CDH13: variants seen among roughly 807,000 people sequenced by gnomAD.
CDH13 encodes the protein cadherin-13.
A neutral mutation model predicts 63.8 loss-of-function variants in CDH13; 24 were observed. The observed-to-expected ratio is 0.38, with a 90% confidence interval of 0.27 to 0.53. The LOEUF is 0.53. Ranked by LOEUF, CDH13 falls within the 20% of genes least tolerant of loss-of-function variation. CDH13 has a pLI of 0.85. For synonymous variants in CDH13, 503 were observed against 355.3 expected (o/e 1.42, Z -4.67); for missense variants, 1,049 against 903.1 (o/e 1.16, Z -2.07).
chr16:82,827,223 CAGAG>C (rs954803013), intron 1 of CDH13, among the ~76,000 whole-genome samples: 5 of 152,154 alleles, frequency 3.3e-5, no homozygotes, highest in South Asian at 2.1e-4. Context: ...ATTTCCCAGA[CAGAG>C]AGAGAGTGGC....
At chr16:82,962,169 C>T (rs12324975) in intron 2 of CDH13, among the ~76,000 whole-genome samples, 24,316 of 152,112 alleles carry the variant, frequency 0.16, 2,001 homozygotes, top group Middle Eastern at 0.21. Flanking sequence ...ATTATCTGAG[C>T]GTATCCTAAA....
intron 2 of CDH13, among the ~76,000 whole-genome samples, chr16:83,017,872 T>G (rs976285435): frequency 1.7e-4 from 26 of 152,224 alleles, no homozygotes; most frequent in African/African-American, 5.1e-4. Context: ...CATCTGCAGC[T>G]GGGTCATAAA....
Position 83,081,237 on chromosome 16 carries a change from C to T in CDH13, c.367-44148C>T, listed in dbSNP as rs549594027. ...ATTCAAATCAGTCTAGCCATTGAAT[C>T]GTATTTATTGAGCACCTGCTGTGTA... On this transcript the variant is annotated intron_variant, in intron 3 of 13. Transcript: ENST00000567109. Among the ~76,000 whole-genome samples the T allele has an allele frequency of 1.5e-3, 229 of 152,054 alleles. 3 individuals carry two copies. Among genetic ancestry groups the T allele is most frequent in the Non-Finnish European group, 8.4e-4 (57 of 68,002 alleles).
chr16:82,706,169 C>T (rs1216594891), intron 1 of CDH13, among the ~76,000 whole-genome samples: 3 of 151,754 alleles, frequency 2.0e-5, no homozygotes, highest in Admixed American at 2.0e-4. Context: ...CTCCCTTTTT[C>T]GCTCCCTCTT....
intron 5 of CDH13, among the ~76,000 whole-genome samples, chr16:83,232,964 C>T (rs2151805081): frequency 6.6e-6 from 1 of 152,286 alleles, no homozygotes; most frequent in South Asian, 2.1e-4. Context: ...TGAAATGATG[C>T]TGATGTTGTC....
chr16:82,811,976 T>C (rs1469018638), intron 1 of CDH13, among the ~76,000 whole-genome samples: 2 of 152,132 alleles, frequency 1.3e-5, no homozygotes, highest in South Asian at 4.2e-4. Context: ...ACACATGCAT[T>C]TGGAATAGAG....
chr16:83,161,395 T>G (rs780957624), intron 4 of CDH13, among the ~76,000 whole-genome samples: 1 of 152,124 alleles, frequency 6.6e-6, no homozygotes, highest in Non-Finnish European at 1.5e-5. Flanking sequence ...AAGATTCAGA[T>G]TTTTGTTGTT....
intron 5 of CDH13, among the ~76,000 whole-genome samples, chr16:83,287,362 G>T (rs1487527989): frequency 6.6e-6 from 1 of 152,180 alleles, no homozygotes. Context: ...TAGGAACCTG[G>T]CTGCCCAGCA....
chr16:83,054,697 A>C (rs922930729), intron 3 of CDH13, among the ~76,000 whole-genome samples: 7 of 152,182 alleles, frequency 4.6e-5, no homozygotes, highest in Admixed American at 1.3e-4. Context: ...AAATAAAACT[A>C]ATATATATAA....
chr16:83,712,344 A>T (rs1468953981), intron 10 of CDH13, among the ~76,000 whole-genome samples: 3 of 152,222 alleles, frequency 2.0e-5, no homozygotes, highest in Non-Finnish European at 2.9e-5. Flanking sequence ...AGGTCTAGGC[A>T]CACCTGGTTT....
At chr16:83,255,698 T>C in intron 5 of CDH13, among the ~76,000 whole-genome samples, 1 of 152,200 alleles carries the variant, frequency 6.6e-6, no homozygotes, top group East Asian at 1.9e-4. Context: ...GTGACTTTTA[T>C]TATGCTCTTT....
intron 5 of CDH13, among the ~76,000 whole-genome samples, chr16:83,254,593 C>T (rs998281704): frequency 6.6e-6 from 1 of 152,126 alleles, no homozygotes; most frequent in African/African-American, 2.4e-5. Context: ...TTCTCTGATC[C>T]TTGTTTTTAT....
intron 3 of CDH13, among the ~76,000 whole-genome samples, chr16:83,037,092 T>C (rs1916929725): frequency 6.6e-6 from 1 of 152,184 alleles, no homozygotes; most frequent in Non-Finnish European, 1.5e-5. Context: ...GTGGTGTTCA[T>C]CCAGGAGCCT....
chr16:82,660,935 CA>C (rs58394697), intron 1 of CDH13, among the ~76,000 whole-genome samples: 1,919 of 143,694 alleles, frequency 0.013, 14 homozygotes, highest in Non-Finnish European at 0.018. Flanking sequence ...TTTCTTTTAT[CA>C]AAAAAAAAAA....
intron 5 of CDH13, among the ~76,000 whole-genome samples, chr16:83,272,662 G>C (rs917589429): frequency 5.9e-5 from 9 of 152,102 alleles, no homozygotes. Flanking sequence ...TGCGTTAATA[G>C]GTCTGTGTGG....
In CDH13 at chr16:82,896,276, A is replaced by ATTTTTTTTTTTTTTTTTTTTTTT. The variant is rs59677448; in HGVS notation, c.157+37814_157+37836dup. Among the ~76,000 whole-genome samples, 19 of 87,874 alleles carry ATTTTTTTTTTTTTTTTTTTTTTT rather than the reference A, an allele frequency of 2.2e-4. 2 individuals are homozygous for ATTTTTTTTTTTTTTTTTTTTTTT. The East Asian group carries it at 3.5e-3, about 16-fold the overall frequency. The allele number at this position is 87,874 out of a possible 152,430, so 57.6% of individuals were successfully genotyped here. A position where few individuals can be genotyped will look rare whatever the true frequency, so the allele number is the denominator to read the frequency against. ...GAGTCTTCTGAGAACTAGGATTAGG[A>ATTTTTTTTTTTTTTTTTTTTTTT]TTTTTTTTTTTTTTTTTTTTTTTTT... On this transcript the variant is annotated intron_variant, in intron 2 of 13. Coordinates refer to ENST00000567109, the MANE Select transcript of CDH13 (RefSeq NM_001257.5).
At chr16:82,771,749 G>C (rs1017247015) in intron 1 of CDH13, among the ~76,000 whole-genome samples, 1 of 152,246 alleles carries the variant, frequency 6.6e-6, no homozygotes, top group African/African-American at 2.4e-5. Flanking sequence ...CGGAAAGGTT[G>C]CTAGGAAAAA....
chr16:83,569,758 A>T (rs1904400523), intron 7 of CDH13, among the ~76,000 whole-genome samples: 2 of 152,082 alleles, frequency 1.3e-5, no homozygotes, highest in Non-Finnish European at 2.9e-5. Flanking sequence ...TTTGTTTGAG[A>T]TGGAGTCTCA....
At chr16:83,063,491 G>A (rs963100220) in intron 3 of CDH13, among the ~76,000 whole-genome samples, 4 of 152,180 alleles carry the variant, frequency 2.6e-5, no homozygotes, top group Non-Finnish European at 2.9e-5. Flanking sequence ...AGAATGGTTA[G>A]GACATTGTTA....
Sources: allele counts gnomAD v4.1 joint callset (sites outside exome capture counted in the v4.1 genomes callset), GRCh38; gene constraint gnomAD v4.1.1; transcripts MANE v1.5; gene names NCBI Gene and HGNC (gene_info 2026-07-23, HGNC 2026-07-21).